The following LGI1 variants were observed in gnomAD, a reference collection of about 807,000 sequenced individuals.
The protein encoded by LGI1 is leucine-rich glioma-inactivated protein 1.
Under a neutral mutation model 57.7 loss-of-function variants are expected in LGI1, and 11 were observed. That is an observed-to-expected ratio of 0.19 (90% CI 0.12 to 0.32). The LOEUF (loss-of-function observed/expected upper bound fraction) is 0.32. LGI1 is among the 10% of genes least tolerant of loss of function. The pLI, the probability that LGI1 is intolerant of heterozygous loss-of-function variation, is 1.00. For synonymous variants in LGI1, 222 were observed against 241.9 expected (o/e 0.92, Z 0.76); for missense variants, 422 against 661.9 (o/e 0.64, Z 3.98).
intron 4 of LGI1, among the ~76,000 whole-genome samples, chr10:93,783,293 G>C (rs551333224): frequency 3.0e-4 from 45 of 152,098 alleles, no homozygotes; most frequent in Non-Finnish European, 5.7e-4. Flanking sequence ...GGAGAATGGC[G>C]TGAACCCGGG....
intron 2 of LGI1, chr10:93,766,683 T>G (rs1372012248): frequency 6.6e-6 from 1 of 151,660 alleles, no homozygotes; most frequent in African/African-American, 2.4e-5. Flanking sequence ...TTTTTTGTAT[T>G]TTTTTAGTAG....
chr10:93,795,357 A>G (rs1011817200), intron 7 of LGI1, among the ~76,000 whole-genome samples: 13 of 151,994 alleles, frequency 8.6e-5, no homozygotes, highest in Non-Finnish European at 2.9e-5. Context: ...GTGAGGGCTC[A>G]CTCTCTGCTT....
At chr10:93,796,884 G>A in intron 7 of LGI1, 84 bp from the exon 8 acceptor site, 1 of 1,116,534 alleles carries the variant, frequency 9.0e-7, no homozygotes, top group Non-Finnish European at 1.3e-6. Flanking sequence ...GATTTGGGTG[G>A]AAGTTGTATG....
chr10:93,771,345 A>G (rs969314183), intron 2 of LGI1: 2 of 152,248 alleles, frequency 1.3e-5, no homozygotes, highest in Non-Finnish European at 2.9e-5. Flanking sequence ...AGGAAAGGAT[A>G]TTTAAAGAAT....
rs748709257 is a variant in LGI1, at chr10:93,797,842, A to G, written c.*39A>G. The G allele has an allele frequency of 7.2e-7, 1 of 1,385,630 alleles. No individual in the cohort carries two copies. The highest frequency in any genetic ancestry group is 1.0e-6 in the Non-Finnish European group (1 of 985,504). 85.8% of individuals were successfully genotyped at this position (1,385,630 alleles called of 1,614,324 possible). ...GTGGCTGCCATCAGAAATTTTCTAC[A>G]GTACATGACCCGGATGAACTCAATG... On this transcript the variant is annotated 3_prime_UTR_variant, in exon 8 of 8. Coordinates refer to ENST00000371418, the MANE Select transcript of LGI1 (RefSeq NM_005097.4). The surrounding 1 kb of genome is among the most constrained non-coding windows in gnomAD (Gnocchi z 6.5).
chr10:93,790,315 A>T lies in LGI1; in HGVS notation c.503+145A>T. 3 of 709,500 alleles carry T rather than the reference A, an allele frequency of 4.2e-6. No individual in the cohort carries two copies. The East Asian group carries it at 8.2e-5, about 19-fold the overall frequency. 44.0% of individuals were successfully genotyped at this position (709,500 alleles called of 1,614,324 possible). A position where few individuals can be genotyped will look rare whatever the true frequency, so the allele number is the denominator to read the frequency against. On this transcript the variant is annotated intron_variant, in intron 5 of 7. Transcript: ENST00000371418. ...CTAAATTTTAACTGGCCAAAAATTT[A>T]AATTTACATGGACTAACATTTGAGT...
At chr10:93,762,036 G>A (rs1246333037) in intron 2 of LGI1, among the ~76,000 whole-genome samples, 1 of 152,070 alleles carries the variant, frequency 6.6e-6, no homozygotes, top group East Asian at 1.9e-4. Context: ...AAATTTAAGA[G>A]GACAAAATGT....
At chr10:93,760,121 T>C (rs2059607531) in intron 2 of LGI1, among the ~76,000 whole-genome samples, 1 of 152,248 alleles carries the variant, frequency 6.6e-6, no homozygotes, top group Non-Finnish European at 1.5e-5. Context: ...GACTGTTTCA[T>C]TGGATTCACA....
intron 2 of LGI1, chr10:93,771,814 A>G (rs1295505775): frequency 2.6e-5 from 4 of 152,198 alleles, no homozygotes; most frequent in African/African-American, 9.7e-5. Flanking sequence ...CGTGTCTACT[A>G]AAAATACAAA....
chr10:93,767,500 T>C (rs2059691404), intron 2 of LGI1: 1 of 152,250 alleles, frequency 6.6e-6, no homozygotes, highest in African/African-American at 2.4e-5. Flanking sequence ...ATTGGTTCTA[T>C]GGAACATACA....
At chr10:93,761,699 AAGAG>A (rs1367540575) in intron 2 of LGI1, among the ~76,000 whole-genome samples, 1 of 152,184 alleles carries the variant, frequency 6.6e-6, no homozygotes, top group Non-Finnish European at 1.5e-5. Context: ...TTCCGTAGAG[AAGAG>A]AGAGAAAGAA....
At chr10:93,776,321 T>G (rs1023648360) in intron 2 of LGI1, among the ~76,000 whole-genome samples, 11 of 152,162 alleles carry the variant, frequency 7.2e-5, no homozygotes, top group Non-Finnish European at 8.8e-5. Flanking sequence ...ATAGTAAAAT[T>G]CACTCTTATG....
intron 5 of LGI1, 49 bp from the exon 6 acceptor site, chr10:93,792,694 C>A (rs117108414): frequency 1.9e-6 from 3 of 1,576,796 alleles, no homozygotes; most frequent in African/African-American, 1.3e-5. Context: ...CTCTTTCCTG[C>A]GTGGGTAGGG....
intron 2 of LGI1, chr10:93,772,939 G>T (rs915003226): frequency 6.6e-6 from 1 of 152,022 alleles, no homozygotes; most frequent in East Asian, 1.9e-4. Context: ...AATTAGCCAG[G>T]CTTGGTGTTG....
chr10:93,786,329 C>A (rs1421184446), intron 4 of LGI1, among the ~76,000 whole-genome samples: 2 of 46,558 alleles, frequency 4.3e-5, no homozygotes, highest in African/African-American at 6.0e-5. Flanking sequence ...AATGACTGAA[C>A]CCTCATTGGA....
intron 4 of LGI1, among the ~76,000 whole-genome samples, chr10:93,783,620 A>G (rs2059869069): frequency 6.6e-6 from 1 of 152,176 alleles, no homozygotes. Context: ...GCCTTGGCAC[A>G]GGGGGCCTCA....
chr10:93,788,240 G>A (rs1243851639), intron 4 of LGI1: 2 of 152,342 alleles, frequency 1.3e-5, no homozygotes, highest in East Asian at 1.9e-4. Flanking sequence ...TCAGTAAGAT[G>A]AATTATGGAG....
At chr10:93,773,772 G>T (rs1824199666) in intron 2 of LGI1, among the ~76,000 whole-genome samples, 2 of 152,076 alleles carry the variant, frequency 1.3e-5, no homozygotes, top group African/African-American at 4.8e-5. Flanking sequence ...CAAAATTCTA[G>T]GGGAAAATGC....
Position 93,777,620 on chromosome 10 carries a change from A to G in LGI1, c.431+3A>G, listed in dbSNP as rs2059806166. On this transcript the variant is annotated splice_donor_region_variant and intron_variant, in intron 4 of 7. Transcript: ENST00000371418. ...GGACTAAAGTCATTAATTCACTTGT[A>G]AGTATGAATGTTGCTATTACTTTTT... 6.2e-7 allele frequency: 1 copy of G among 1,607,738 alleles called. No homozygotes were observed. Among genetic ancestry groups the G allele is most frequent in the Non-Finnish European group, 8.5e-7 (1 of 1,174,456 alleles).
Sources: gnomAD v4.1 joint callset for allele counts (sites outside exome capture counted in the v4.1 genomes callset) on GRCh38, gnomAD v4.1.1 for gene constraint, Gnocchi (gnomAD v3.1) non-coding constraint, MANE v1.5 for transcripts, NCBI Gene and HGNC (gene_info 2026-07-23, HGNC 2026-07-21) for gene names.